NKAIN3: variants seen among roughly 807,000 people sequenced by gnomAD.
NKAIN3 encodes sodium/potassium-transporting ATPase subunit beta-1-interacting protein 3.
NKAIN3 carries 25 observed loss-of-function variants against 30.2 expected under a neutral mutation model. That is an observed-to-expected ratio of 0.83 (90% CI 0.60 to 1.16). The LOEUF (loss-of-function observed/expected upper bound fraction) is 1.16. Among genes scored for constraint, NKAIN3 ranks in the 50% most tolerant of loss-of-function variants. The probability of loss-of-function intolerance (pLI) is 0.00; values close to 1 mark genes in which losing one functional copy is unlikely to be tolerated. For synonymous variants in NKAIN3, 91 were observed against 89.6 expected, an observed-to-expected ratio of 1.02 and a Z score of -0.09; for missense variants, 225 against 254.1, an observed-to-expected ratio of 0.89 and a Z score of 0.78.
chr8:62,901,772 C>T (rs757470113), intron 4 of NKAIN3, among the ~76,000 whole-genome samples: 8 of 152,182 alleles, frequency 5.3e-5, no homozygotes, highest in Admixed American at 1.3e-4. Flanking sequence ...AGAGGAATGC[C>T]TGTCTTTCTC....
At position 62,977,241 on chromosome 8, in the gene NKAIN3, C is replaced by T. The variant is rs1224824750; in HGVS notation, c.*11834C>T. Among the ~76,000 whole-genome samples the T allele has an allele frequency of 6.6e-6, 1 of 152,038 alleles. No homozygotes were observed. Among genetic ancestry groups the T allele is most frequent in the Admixed American group, 6.6e-5 (1 of 15,256 alleles). ...TTGTATTCTGTATTTCCTAAGCCTG[C>T]CTTGCGAGGTTGGGGAAGTTCTCCT... On this transcript the variant is annotated 3_prime_UTR_variant, in exon 7 of 7. Transcript: ENST00000623646.
chr8:62,657,510 G>T (rs565798437), intron 3 of NKAIN3, among the ~76,000 whole-genome samples: 2 of 152,192 alleles, frequency 1.3e-5, no homozygotes, highest in East Asian at 1.9e-4. Flanking sequence ...TCCTGCAATT[G>T]TATTAATTTC....
chr8:62,629,587 T>C (rs964233841), intron 3 of NKAIN3, among the ~76,000 whole-genome samples: 5 of 152,144 alleles, frequency 3.3e-5, no homozygotes, highest in African/African-American at 1.2e-4. Flanking sequence ...AGGCACTCCA[T>C]AAATGCTAGG....
intron 1 of NKAIN3, among the ~76,000 whole-genome samples, chr8:62,441,533 TTA>T (rs1202421359): frequency 6.6e-6 from 1 of 151,914 alleles, no homozygotes; most frequent in East Asian, 1.9e-4. Flanking sequence ...AGTTTTAATA[TTA>T]TCTTATTTTT....
At chr8:62,718,450 G>T (rs890996516) in intron 3 of NKAIN3, among the ~76,000 whole-genome samples, 3 of 152,084 alleles carry the variant, frequency 2.0e-5, no homozygotes, top group Non-Finnish European at 4.4e-5. Context: ...ATTTGTTGAT[G>T]ATTTTTTAAA....
intron 3 of NKAIN3, among the ~76,000 whole-genome samples, chr8:62,698,905 C>T (rs777376879): frequency 2.8e-4 from 42 of 152,076 alleles, no homozygotes; most frequent in Non-Finnish European, 5.1e-4. Context: ...ATTGAGGTAG[C>T]GATTGAGCTA....
chr8:62,287,663 C>T (rs1404032465), intron 1 of NKAIN3, among the ~76,000 whole-genome samples: 1 of 152,022 alleles, frequency 6.6e-6, no homozygotes, highest in Non-Finnish European at 1.5e-5. Context: ...AATAAAATTT[C>T]TCTTAGGAGT....
chr8:62,851,861 T>C (rs1276109496), intron 4 of NKAIN3, among the ~76,000 whole-genome samples: 1 of 152,224 alleles, frequency 6.6e-6, no homozygotes, highest in Non-Finnish European at 1.5e-5. Context: ...GGTTTGCCAG[T>C]ATTTTATTGA....
intron 4 of NKAIN3, among the ~76,000 whole-genome samples, chr8:62,752,555 C>G (rs1816318688): frequency 1.3e-5 from 2 of 152,142 alleles, no homozygotes; most frequent in Admixed American, 6.5e-5. Flanking sequence ...CTGTGCCTCA[C>G]AAGAGCATTT....
chr8:62,932,148 A>G (rs1340795087), intron 5 of NKAIN3, among the ~76,000 whole-genome samples: 1 of 152,228 alleles, frequency 6.6e-6, no homozygotes, highest in Non-Finnish European at 1.5e-5. Flanking sequence ...TCCTTAAAAT[A>G]TTGTCCTAAT....
At chr8:62,695,294 G>A (rs1412193717) in intron 3 of NKAIN3, among the ~76,000 whole-genome samples, 1 of 152,108 alleles carries the variant, frequency 6.6e-6, no homozygotes, top group Non-Finnish European at 1.5e-5. Flanking sequence ...ATGACATCAG[G>A]CAATGGTTTA....
At chr8:62,778,312 T>A (rs1425696702) in intron 4 of NKAIN3, among the ~76,000 whole-genome samples, 2 of 152,092 alleles carry the variant, frequency 1.3e-5, no homozygotes, top group Non-Finnish European at 2.9e-5. Context: ...CAGTCCAAGG[T>A]AGGTTTAGAG....
intron 5 of NKAIN3, among the ~76,000 whole-genome samples, chr8:62,948,439 C>A (rs1201958466): frequency 6.6e-6 from 1 of 152,152 alleles, no homozygotes; most frequent in Non-Finnish European, 1.5e-5. Context: ...ACATCATGAT[C>A]TGCCTGCCTC....
At chr8:62,364,879 G>A (rs1444555072) in intron 1 of NKAIN3, among the ~76,000 whole-genome samples, 1 of 136,322 alleles carries the variant, frequency 7.3e-6, no homozygotes. Flanking sequence ...TACTTCCATA[G>A]TACACTTAAG....
chr8:62,668,737 A>G (rs1051725723), intron 3 of NKAIN3, among the ~76,000 whole-genome samples: 1 of 152,216 alleles, frequency 6.6e-6, no homozygotes, highest in Non-Finnish European at 1.5e-5. Context: ...TTATTAATTA[A>G]TCAATTAATT....
intron 3 of NKAIN3, among the ~76,000 whole-genome samples, chr8:62,716,922 C>G (rs968667255): frequency 2.0e-5 from 3 of 151,980 alleles, no homozygotes; most frequent in African/African-American, 7.3e-5. Context: ...ATAGCAAGAC[C>G]CTGTATCTTT....
At position 62,937,117 on chromosome 8, in the gene NKAIN3, AC is replaced by A. The variant is rs200155225; in HGVS notation, c.533-16782del. Among the ~76,000 whole-genome samples, 6 of 151,840 alleles carry A rather than the reference AC, an allele frequency of 4.0e-5. No homozygotes were observed. In the East Asian group the frequency reaches 9.7e-4, roughly 25 times the overall value. The stretch of plus-strand genomic sequence containing the variant: ...CATATGTGTATTCAGTTGACCAAAA[AC>A]CCTTCACATAAAAAACTATTCTTGA... On this transcript the variant is annotated intron_variant, in intron 5 of 6. Coordinates refer to ENST00000623646, the MANE Select transcript of NKAIN3 (RefSeq NM_001304533.3).
At chr8:62,668,265 G>T (rs551515586) in intron 3 of NKAIN3, among the ~76,000 whole-genome samples, 11 of 152,222 alleles carry the variant, frequency 7.2e-5, no homozygotes, top group Non-Finnish European at 1.3e-4. Context: ...CATGGACTTT[G>T]CTTTGCATCC....
chr8:62,395,959 G>A (rs982064476), intron 1 of NKAIN3, among the ~76,000 whole-genome samples: 1 of 152,118 alleles, frequency 6.6e-6, no homozygotes, highest in Non-Finnish European at 1.5e-5. Context: ...CACCCATATA[G>A]TGAGGCTTAA....
Sources: allele counts gnomAD v4.1 joint callset (sites outside exome capture counted in the v4.1 genomes callset), GRCh38; gene constraint gnomAD v4.1.1; transcripts MANE v1.5; gene names NCBI Gene and HGNC (gene_info 2026-07-23, HGNC 2026-07-21).